The following CLVS1 variants were observed in gnomAD, a reference collection of about 807,000 sequenced individuals.
CLVS1 encodes clavesin-1.
CLVS1 carries 10 observed loss-of-function variants against 33.1 expected under a neutral mutation model. The ratio of observed to expected loss-of-function variants is 0.30; its 90% CI spans 0.19 to 0.51. The LOEUF (loss-of-function observed/expected upper bound fraction) is 0.51. Among genes scored for constraint, CLVS1 ranks in the 20% least tolerant of loss-of-function variants. The pLI is 0.97. For missense variants in CLVS1, 343 were observed against 433.4 expected (o/e 0.79, Z 1.85); for synonymous variants, 163 against 166.1 (o/e 0.98, Z 0.14).
chr8:61,495,351 A>C (rs1244296818), intron 5 of CLVS1, among the ~76,000 whole-genome samples: 1 of 152,220 alleles, frequency 6.6e-6, no homozygotes, highest in Non-Finnish European at 1.5e-5. Context: ...AGGTTTTGGC[A>C]CATTGCTCAT....
intron 3 of CLVS1, among the ~76,000 whole-genome samples, chr8:61,383,712 T>C (rs1193803395): frequency 1.3e-5 from 2 of 152,236 alleles, no homozygotes; most frequent in African/African-American, 2.4e-5. Flanking sequence ...GTGATTCTGA[T>C]GGCAGGCTCA....
At chr8:61,201,966 C>T (rs1382645729) in intron 2 of CLVS1, among the ~76,000 whole-genome samples, 1 of 152,192 alleles carries the variant, frequency 6.6e-6, no homozygotes, top group East Asian at 1.9e-4. Context: ...GTCTGGTTTC[C>T]ATCGGCTGGA....
chr8:61,162,325 C>T (rs1806769489), intron 2 of CLVS1, among the ~76,000 whole-genome samples: 1 of 152,198 alleles, frequency 6.6e-6, no homozygotes, highest in African/African-American at 2.4e-5. Context: ...TCCTATTAGT[C>T]TGTTTATTGT....
the CLVS1 span, among the ~76,000 whole-genome samples, chr8:60,981,365 G>A: frequency 6.6e-6 from 1 of 152,166 alleles, no homozygotes; most frequent in East Asian, 1.9e-4. Context: ...GAATCAAGAT[G>A]GTGCATTTCA....
chr8:60,980,470 G>A, the CLVS1 span, among the ~76,000 whole-genome samples: 1 of 152,160 alleles, frequency 6.6e-6, no homozygotes, highest in Non-Finnish European at 1.5e-5. Context: ...TCTAATTCCT[G>A]GAACACATAA....
chr8:61,299,328 T>C (rs543706937), intron 1 of CLVS1, among the ~76,000 whole-genome samples: 12 of 152,296 alleles, frequency 7.9e-5, no homozygotes, highest in African/African-American at 2.6e-4. Flanking sequence ...CCATAAAGCA[T>C]GCTGTCACAG....
intron 3 of CLVS1, among the ~76,000 whole-genome samples, chr8:61,435,746 G>T (rs1816308136): frequency 6.6e-6 from 1 of 151,900 alleles, no homozygotes; most frequent in Admixed American, 6.6e-5. Flanking sequence ...GTCTTGTACA[G>T]ATAAAGATGT....
intron 5 of CLVS1, 104 bp from the exon 6 acceptor site, chr8:61,499,351 T>A: frequency 1.4e-6 from 1 of 709,908 alleles, no homozygotes; most frequent in Admixed American, 2.1e-5. Flanking sequence ...AATTTTTGAG[T>A]GTCTATTAAA....
chr8:61,382,028 A>G (rs1813898946), intron 3 of CLVS1, among the ~76,000 whole-genome samples: 1 of 151,944 alleles, frequency 6.6e-6, no homozygotes, highest in African/African-American at 2.4e-5. Context: ...TACTCCTCAA[A>G]CCTTGGTTTA....
At chr8:61,089,650 G>A (rs1298451669) in intron 1 of CLVS1, among the ~76,000 whole-genome samples, 6 of 152,166 alleles carry the variant, frequency 3.9e-5, no homozygotes, top group Non-Finnish European at 8.8e-5. Flanking sequence ...TGGGCATGGC[G>A]GTTCACACCT....
At chr8:61,000,529 GAATGAGGCA>G in the CLVS1 span, among the ~76,000 whole-genome samples, 14 of 152,300 alleles carry the variant, frequency 9.2e-5, no homozygotes, top group African/African-American at 3.4e-4. Context: ...AACCTATGAA[GAATGAGGCA>G]AAGCAGCATG....
At chr8:61,102,191 G>T (rs1805463040) in intron 1 of CLVS1, among the ~76,000 whole-genome samples, 1 of 152,090 alleles carries the variant, frequency 6.6e-6, no homozygotes, top group Non-Finnish European at 1.5e-5. Context: ...CTGAAGGAGT[G>T]TTGCTATCTT....
chr8:61,164,480 G>C (rs913364737), intron 2 of CLVS1, among the ~76,000 whole-genome samples: 3 of 152,116 alleles, frequency 2.0e-5, no homozygotes, highest in Non-Finnish European at 4.4e-5. Flanking sequence ...CTGTCTTCTT[G>C]CCCTTGCCCC....
chr8:61,449,618 T>C (rs1816881846), intron 3 of CLVS1, among the ~76,000 whole-genome samples: 1 of 152,228 alleles, frequency 6.6e-6, no homozygotes, highest in Non-Finnish European at 1.5e-5. Context: ...TTTGCTAGAC[T>C]GCCTGTTACT....
intron 2 of CLVS1, among the ~76,000 whole-genome samples, chr8:61,343,394 A>G (rs1283864926): frequency 6.6e-6 from 1 of 152,208 alleles, no homozygotes; most frequent in African/African-American, 2.4e-5. Context: ...AAATAATAGT[A>G]TGTTGAAAGA....
At chr8:61,262,488 T>C (rs903746675) in intron 2 of CLVS1, among the ~76,000 whole-genome samples, 3 of 152,020 alleles carry the variant, frequency 2.0e-5, no homozygotes, top group African/African-American at 7.2e-5. Context: ...CTGGGCAACA[T>C]AGTGAGACAC....
chr8:61,022,019 C>A, the CLVS1 span, among the ~76,000 whole-genome samples: 1 of 152,294 alleles, frequency 6.6e-6, no homozygotes, highest in African/African-American at 2.4e-5. Flanking sequence ...TAGACATTAA[C>A]CCTTTAAGTC....
intron 2 of CLVS1, among the ~76,000 whole-genome samples, chr8:61,339,760 A>G (rs1367050810): frequency 6.7e-6 from 1 of 149,442 alleles, no homozygotes; most frequent in Non-Finnish European, 1.5e-5. Context: ...GGAGGGAGGG[A>G]GAAAGAGAGG....
upstream of CLVS1, among the ~76,000 whole-genome samples, chr8:61,054,182 G>A (rs1208230194): frequency 1.3e-5 from 2 of 152,140 alleles, no homozygotes; most frequent in Admixed American, 6.5e-5. Context: ...TTTAGCTGCC[G>A]CAATTGCCTG....
Sources: allele counts gnomAD v4.1 joint callset (sites outside exome capture counted in the v4.1 genomes callset), GRCh38; gene constraint gnomAD v4.1.1; transcripts MANE v1.5; gene names NCBI Gene and HGNC (gene_info 2026-07-23, HGNC 2026-07-21).